Variants in CAMTA1 observed in about 807,000 individuals in gnomAD.
CAMTA1 encodes the protein calmodulin-binding transcription activator 1.
A neutral mutation model predicts 170.9 loss-of-function variants in CAMTA1; 27 were observed. The ratio of observed to expected loss-of-function variants is 0.16; its 90% confidence interval spans 0.12 to 0.22. The LOEUF is 0.22. Ranked by LOEUF, CAMTA1 falls within the 10% of genes least tolerant of loss-of-function variation. The probability of loss-of-function intolerance (pLI) is 1.00; values close to 1 mark genes in which losing one functional copy is unlikely to be tolerated. For missense variants in CAMTA1, 1,619 were observed against 2,217.2 expected, an observed-to-expected ratio of 0.73 and a Z score of 5.42; for synonymous variants, 833 against 891.5, an observed-to-expected ratio of 0.93 and a Z score of 1.17.
At chr1:6,837,843 C>T (rs1653914829) in intron 3 of CAMTA1, among the ~76,000 whole-genome samples, 1 of 152,020 alleles carries the variant, frequency 6.6e-6, no homozygotes, top group Admixed American at 6.6e-5. Context: ...TTCAGAGAAC[C>T]TGCTGTGTGG....
intron 5 of CAMTA1, among the ~76,000 whole-genome samples, chr1:7,376,903 G>A (rs1469950542): frequency 1.3e-4 from 20 of 152,166 alleles, no homozygotes. Context: ...TCTGTCCTCA[G>A]CCTGTGTCCA....
At chr1:7,372,681 G>A (rs977765210) in intron 5 of CAMTA1, among the ~76,000 whole-genome samples, 1 of 152,194 alleles carries the variant, frequency 6.6e-6, no homozygotes, top group Non-Finnish European at 1.5e-5. Flanking sequence ...TGAGTGCTTT[G>A]TGTGTAGGAG....
chr1:7,653,307 G>A (rs1434522974), intron 7 of CAMTA1, among the ~76,000 whole-genome samples: 1 of 152,168 alleles, frequency 6.6e-6, no homozygotes, highest in Non-Finnish European at 1.5e-5. Context: ...TGTCACCCAG[G>A]CTGGAGTGCA....
At position 7,641,965 on chromosome 1, in the gene CAMTA1, G is replaced by A. The variant is rs1161986283; in HGVS notation, c.664+1412G>A. ...TGCAGCCCCCCCACCCGCAGCCCCC[G>A]GCCTCTGCAGGACTCTGCGCCCTTT... On this transcript the variant is annotated intron_variant, in intron 7 of 22. Transcript: ENST00000303635. The surrounding 1 kb of genome is among the most constrained non-coding windows in gnomAD (Gnocchi z 4.5). Among the ~76,000 whole-genome samples the A allele has an allele frequency of 4.1e-5, 4 of 98,716 alleles. No individual in the cohort carries two copies. Among genetic ancestry groups the A allele is most frequent in the East Asian group, 2.9e-4 (1 of 3,474 alleles). The allele number at this position is 98,716 out of a possible 152,430, so 64.8% of individuals were successfully genotyped here.
At chr1:7,236,444 C>T (rs1283969737) in intron 4 of CAMTA1, among the ~76,000 whole-genome samples, 1 of 152,162 alleles carries the variant, frequency 6.6e-6, no homozygotes. Flanking sequence ...CCCCAAAGTA[C>T]TATGAGTTGT....
At chr1:7,264,409 T>C (rs1005251623) in intron 5 of CAMTA1, among the ~76,000 whole-genome samples, 6 of 152,182 alleles carry the variant, frequency 3.9e-5, no homozygotes, top group African/African-American at 1.4e-4. Flanking sequence ...GCACATGCAG[T>C]TTCCTTCTGG....
At chr1:7,350,026 A>T (rs570903629) in intron 5 of CAMTA1, among the ~76,000 whole-genome samples, 4 of 152,286 alleles carry the variant, frequency 2.6e-5, no homozygotes, top group Admixed American at 2.6e-4. Flanking sequence ...CTTTGTCTAA[A>T]GGTGCCCTGT....
intron 3 of CAMTA1, among the ~76,000 whole-genome samples, chr1:6,867,605 G>A (rs924802747): frequency 6.6e-6 from 1 of 152,110 alleles, no homozygotes; most frequent in Non-Finnish European, 1.5e-5. Context: ...TTCAATAGAT[G>A]GCATTTTTAT....
chr1:7,059,448 T>G (rs1429550292), intron 3 of CAMTA1, among the ~76,000 whole-genome samples: 1 of 151,950 alleles, frequency 6.6e-6, no homozygotes, highest in Non-Finnish European at 1.5e-5. Flanking sequence ...CGGGACCCCA[T>G]CTCTACAAAA....
intron 3 of CAMTA1, chr1:6,873,933 G>A (rs1161042952): frequency 6.6e-6 from 1 of 152,194 alleles, no homozygotes; most frequent in Non-Finnish European, 1.5e-5. Flanking sequence ...ATCTGTTGAG[G>A]TAGTCACACA....
At position 7,164,996 on chromosome 1, in the gene CAMTA1, G is replaced by A. The variant is rs970445356; in HGVS notation, c.302+73625G>A. Reference sequence around the variant, plus strand: ...ACTTTTCTTTATGAGAAAGTGTTTGGAAAAGCTTCTTAAATAAAATGTAGC... The same window carrying A: ...ACTTTTCTTTATGAGAAAGTGTTTGAAAAAGCTTCTTAAATAAAATGTAGC... On this transcript the variant is annotated intron_variant, in intron 4 of 22. Coordinates refer to ENST00000303635, the MANE Select transcript of CAMTA1 (RefSeq NM_015215.4). Among the ~76,000 whole-genome samples, 3 of 152,198 alleles carry A rather than the reference G, an allele frequency of 2.0e-5. No homozygotes were observed. The East Asian group carries it at 5.8e-4, about 29-fold the overall frequency.
chr1:7,649,024 A>C (rs1576592313), intron 7 of CAMTA1, among the ~76,000 whole-genome samples: 2 of 151,996 alleles, frequency 1.3e-5, no homozygotes, highest in Admixed American at 1.3e-4. Flanking sequence ...GTGTAGCCAC[A>C]CTCCCAGAGG....
intron 10 of CAMTA1, 136 bp downstream of exon 10, chr1:7,671,173 C>G: frequency 1.1e-6 from 1 of 949,334 alleles, no homozygotes; most frequent in Non-Finnish European, 1.6e-6. Context: ...TGTGAAGAAG[C>G]GGATCCCCGA....
At chr1:7,302,379 C>T (rs866075589) in intron 5 of CAMTA1, among the ~76,000 whole-genome samples, 2 of 152,202 alleles carry the variant, frequency 1.3e-5, no homozygotes, top group Middle Eastern at 3.4e-3. Flanking sequence ...TCATAAAGCC[C>T]CCAGCCCATT....
intron 4 of CAMTA1, among the ~76,000 whole-genome samples, chr1:7,185,530 G>A (rs115084516): frequency 5.9e-5 from 9 of 152,204 alleles, no homozygotes; most frequent in Non-Finnish European, 1.0e-4. Flanking sequence ...GATTGAAAAT[G>A]TAGAAGGAAT....
chr1:7,129,940 TG>T (rs1645150358), intron 4 of CAMTA1, among the ~76,000 whole-genome samples: 1 of 151,890 alleles, frequency 6.6e-6, no homozygotes, highest in Non-Finnish European at 1.5e-5. Context: ...TGTGTGTGTG[TG>T]TGTGTGTGTG....
In CAMTA1 at chr1:7,641,259, G is replaced by GACCC. The variant is rs1175564263; in HGVS notation, c.664+708_664+711dup. Among the ~76,000 whole-genome samples, 1 of 152,142 alleles carries GACCC rather than the reference G, an allele frequency of 6.6e-6. No individual in the cohort carries two copies. Among genetic ancestry groups the GACCC allele is most frequent in the African/African-American group, 2.4e-5 (1 of 41,426 alleles). ...ACAAACATGGGTCTGGGGCTTTCCT[G>GACCC]ACCCAAGAAGAGCATGGGGGCTGTT... On this transcript the variant is annotated intron_variant, in intron 7 of 22. Transcript: ENST00000303635. This position sits in a 1 kb window ranked among gnomAD's most constrained non-coding sequence, Gnocchi z 4.5.
intron 1 of CAMTA1, among the ~76,000 whole-genome samples, chr1:6,799,586 T>C (rs986659214): frequency 6.6e-6 from 1 of 152,228 alleles, no homozygotes; most frequent in African/African-American, 2.4e-5. Flanking sequence ...AGACCTCAGC[T>C]CTTATGTAAT....
intron 5 of CAMTA1, among the ~76,000 whole-genome samples, chr1:7,315,912 G>T (rs958762114): frequency 6.6e-6 from 1 of 152,174 alleles, no homozygotes; most frequent in African/African-American, 2.4e-5. Flanking sequence ...CTGAGACTGG[G>T]TAATTTATAG....
Sources: gnomAD v4.1 joint callset for allele counts (sites outside exome capture counted in the v4.1 genomes callset) on GRCh38, gnomAD v4.1.1 for gene constraint, Gnocchi (gnomAD v3.1) non-coding constraint, MANE v1.5 for transcripts, NCBI Gene and HGNC (gene_info 2026-07-23, HGNC 2026-07-21) for gene names.